PRNP: variants seen among roughly 807,000 people sequenced by gnomAD.
PRNP encodes major prion protein.
In PRNP, 15 loss-of-function variants were observed where a neutral mutation model predicts 21.3. The observed-to-expected ratio is 0.71, with a 90% CI of 0.47 to 1.09. The LOEUF is 1.09. Ranked by LOEUF, PRNP falls within the 50% of genes least tolerant of loss-of-function variation. The pLI is 0.00. For synonymous variants in PRNP, 121 were observed against 123.1 expected, an observed-to-expected ratio of 0.98 and a Z score of 0.11; for missense variants, 285 against 340.9, an observed-to-expected ratio of 0.84 and a Z score of 1.29.
At position 4,701,356 on chromosome 20, in the gene PRNP, A is replaced by G. The variant is rs1922599638; in HGVS notation, c.*1374A>G. On this transcript the variant is annotated 3_prime_UTR_variant, in exon 2 of 2. Transcript: ENST00000379440. The surrounding 1 kb of genome is among the most constrained non-coding windows in gnomAD (Gnocchi z 4.2). Reference sequence around the variant, plus strand: ...AGTGTCTAATGCATTAACTTTTGTAAGGTACTGAATACTTAATATGTGGGA... The same window carrying G: ...AGTGTCTAATGCATTAACTTTTGTAGGGTACTGAATACTTAATATGTGGGA... 1.2e-5 allele frequency: 2 copies of G among 167,064 alleles called. No individual in the cohort carries two copies. The highest frequency in any genetic ancestry group is 4.8e-5 in the African/African-American group (2 of 41,446). 10.3% of individuals were successfully genotyped at this position (167,064 alleles called of 1,614,324 possible).
Position 4,699,312 on chromosome 20 carries a change from G to A in PRNP, c.92G>A (p.Trp31Ter). ...LCKKRPKPGG[W>*]NTGGSRYPGQ... ...AAGAAGCGCCCGAAGCCTGGAGGAT[G>A]GAACACTGGGGGCAGCCGATACCCG... is the stretch of plus-strand genomic sequence containing the variant. Residue 31 changes from tryptophan (W) to a stop codon, truncating the protein, a stop_gained, in exon 2 of 2, where the codon TGG (tryptophan) becomes TAG (stop). Coordinates refer to ENST00000379440, the MANE Select transcript of PRNP (RefSeq NM_000311.5). LOFTEE classifies it high-confidence loss of function. The surrounding 1 kb of genome is among the most constrained non-coding windows in gnomAD (Gnocchi z 5.8). 1 of 1,614,114 alleles carries A rather than the reference G, an allele frequency of 6.2e-7. No homozygotes were observed. The highest frequency in any genetic ancestry group is 8.5e-7 in the Non-Finnish European group (1 of 1,180,040).
intron 1 of PRNP, among the ~76,000 whole-genome samples, chr20:4,693,225 C>T (rs1319248304): frequency 1.3e-5 from 2 of 152,230 alleles, no homozygotes; most frequent in Non-Finnish European, 2.9e-5. Flanking sequence ...CATTTATTCA[C>T]AGCCTGCTAG....
At chr20:4,687,307 C>CG (rs917811857) in intron 1 of PRNP, among the ~76,000 whole-genome samples, 2 of 152,094 alleles carry the variant, frequency 1.3e-5, no homozygotes, top group African/African-American at 4.8e-5. Flanking sequence ...TCTCCAGGGG[C>CG]GGGGAGAGAG....
chr20:4,696,788 A>T (rs1225012166), intron 1 of PRNP, among the ~76,000 whole-genome samples: 1 of 152,206 alleles, frequency 6.6e-6, no homozygotes, highest in Non-Finnish European at 1.5e-5. Context: ...GGTGACAGAG[A>T]GTATCTTAGA....
rs1374292454 is a variant in PRNP at position 4,699,155 on chromosome 20, A to T, written c.-10-56A>T. ...TGCACTCATTCATTATGCAGGAAACATTTAGTAATTTCAACATAAATATGG... is the reference window on the plus strand; with the variant it reads ...TGCACTCATTCATTATGCAGGAAACTTTTAGTAATTTCAACATAAATATGG... On this transcript the variant is annotated intron_variant, in intron 1 of 1. Transcript: ENST00000379440. The surrounding 1 kb of genome is among the most constrained non-coding windows in gnomAD (Gnocchi z 5.8). 1.9e-6 allele frequency: 3 copies of T among 1,597,618 alleles called. No individual in the cohort carries two copies. The highest frequency in any genetic ancestry group is 8.6e-7 in the Non-Finnish European group (1 of 1,166,070).
chr20:4,700,047 C>G lies in PRNP; in HGVS notation c.*65C>G. The G allele has an allele frequency of 6.4e-7, 1 of 1,553,840 alleles. No homozygotes were observed. Among genetic ancestry groups the G allele is most frequent in the Non-Finnish European group, 8.7e-7 (1 of 1,148,298 alleles). On this transcript the variant is annotated 3_prime_UTR_variant, in exon 2 of 2. Transcript: ENST00000379440. This position sits in a 1 kb window ranked among gnomAD's most constrained non-coding sequence, Gnocchi z 4.1. Reference sequence around the variant, plus strand: ...CCAGCTTGAGGGAGGCGGTATCCACCTGCAGCCCTTTTAGTGGTGGTGTCT... The same window carrying G: ...CCAGCTTGAGGGAGGCGGTATCCACGTGCAGCCCTTTTAGTGGTGGTGTCT...
chr20:4,687,760 C>T (rs960175856), intron 1 of PRNP, among the ~76,000 whole-genome samples: 1 of 152,170 alleles, frequency 6.6e-6, no homozygotes, highest in Non-Finnish European at 1.5e-5. Flanking sequence ...GTTCTGAGAG[C>T]ATCACGGTTT....
At chr20:4,688,628 C>T (rs561970679) in intron 1 of PRNP, among the ~76,000 whole-genome samples, 12 of 152,270 alleles carry the variant, frequency 7.9e-5, no homozygotes, top group African/African-American at 2.9e-4. Flanking sequence ...AAATGTATAA[C>T]ACCAGGGCAG....
At chr20:4,694,406 T>C (rs1922035933) in intron 1 of PRNP, among the ~76,000 whole-genome samples, 1 of 152,216 alleles carries the variant, frequency 6.6e-6, no homozygotes, top group African/African-American at 2.4e-5. Flanking sequence ...CTTAAATGAA[T>C]TAATTCTAAA....
At chr20:4,694,028 G>T (rs1281004357) in intron 1 of PRNP, among the ~76,000 whole-genome samples, 1 of 150,796 alleles carries the variant, frequency 6.6e-6, no homozygotes, top group Non-Finnish European at 1.5e-5. Context: ...GGTGGAGGTT[G>T]CAGAGAGCTG....
chr20:4,698,826 T>C (rs1922335350), intron 1 of PRNP, among the ~76,000 whole-genome samples: 1 of 152,226 alleles, frequency 6.6e-6, no homozygotes, highest in Admixed American at 6.5e-5. Context: ...ATGAGATCTT[T>C]AATTTGAAAA....
chr20:4,693,970 T>G lies in PRNP; in HGVS notation c.-10-5241T>G, dbSNP rs535794200. Among the ~76,000 whole-genome samples the G allele has an allele frequency of 6.7e-5, 10 of 149,572 alleles. No individual in the cohort carries two copies. The East Asian group carries it at 2.0e-3, about 30-fold the overall frequency. On this transcript the variant is annotated intron_variant, in intron 1 of 1. Transcript: ENST00000379440. ...AAAAAAAAAAAACCAGGCGTGGTGT[T>G]GCATACCTGTGGTCCCAGCTACTCA...
chr20:4,690,462 T>C (rs55873835), intron 1 of PRNP, among the ~76,000 whole-genome samples: 8,717 of 152,268 alleles, frequency 0.057, 264 homozygotes, highest in Admixed American at 0.087. Flanking sequence ...GGGTAATTTA[T>C]AGATTTTTTA....
Position 4,699,155 on chromosome 20 carries a change from A to G in PRNP, c.-10-56A>G, listed in dbSNP as rs1374292454. On this transcript the variant is annotated intron_variant, in intron 1 of 1. Coordinates refer to ENST00000379440, the MANE Select transcript of PRNP (RefSeq NM_000311.5). This position sits in a 1 kb window ranked among gnomAD's most constrained non-coding sequence, Gnocchi z 5.8. ...TGCACTCATTCATTATGCAGGAAACATTTAGTAATTTCAACATAAATATGG... is the reference window on the plus strand; with the variant it reads ...TGCACTCATTCATTATGCAGGAAACGTTTAGTAATTTCAACATAAATATGG... The G allele has an allele frequency of 1.3e-6, 2 of 1,597,736 alleles. No individual in the cohort carries two copies. Among genetic ancestry groups the G allele is most frequent in the Non-Finnish European group, 8.6e-7 (1 of 1,166,062 alleles).
rs1045935752 is a variant in PRNP, at chr20:4,697,635, T to G, written c.-10-1576T>G. ...AGTGGGAGGCCTGAACCAGGTTACA[T>G]GGGGCCCAGCCAGTATGGCCACGAC... On this transcript the variant is annotated intron_variant, in intron 1 of 1. Coordinates refer to ENST00000379440, the MANE Select transcript of PRNP (RefSeq NM_000311.5). The surrounding 1 kb of genome is among the most constrained non-coding windows in gnomAD (Gnocchi z 4.6). 2.0e-5 allele frequency among the ~76,000 whole-genome samples: 3 copies of G among 152,098 alleles called. No homozygotes were observed. Among genetic ancestry groups the G allele is most frequent in the African/African-American group, 7.2e-5 (3 of 41,400 alleles).
chr20:4,699,226 G>A lies in PRNP; in HGVS notation c.6G>A (p.Ala2=), dbSNP rs1405257982. Residue 2 remains alanine, a synonymous_variant, in exon 2 of 2, where the codon GCG becomes GCA. Transcript: ENST00000379440. The surrounding 1 kb of genome is among the most constrained non-coding windows in gnomAD (Gnocchi z 5.8). M[A]NLGCWMLVLF... is the part of the protein sequence containing the mutation. ...CATTTTGCAGAGCAGTCATTATGGC[G>A]AACCTTGGCTGCTGGATGCTGGTTC... is the stretch of plus-strand genomic sequence containing the variant. 27 of 1,613,918 alleles carry A rather than the reference G, an allele frequency of 1.7e-5. No homozygotes were observed. Among genetic ancestry groups the A allele is most frequent in the Non-Finnish European group, 2.0e-5 (24 of 1,180,044 alleles).
At position 4,701,158 on chromosome 20, in the gene PRNP, A is replaced by G. The variant is rs1922585146; in HGVS notation, c.*1176A>G. ...AATTCTGTTAATGTTAATTAAAGTAAAATTATTCCCTGAATTGTTTGATAT... is the reference window on the plus strand; with the variant it reads ...AATTCTGTTAATGTTAATTAAAGTAGAATTATTCCCTGAATTGTTTGATAT... On this transcript the variant is annotated 3_prime_UTR_variant, in exon 2 of 2. Coordinates refer to ENST00000379440, the MANE Select transcript of PRNP (RefSeq NM_000311.5). This position sits in a 1 kb window ranked among gnomAD's most constrained non-coding sequence, Gnocchi z 4.2. The G allele has an allele frequency of 6.0e-6, 1 of 166,634 alleles. No individual in the cohort carries two copies. Among genetic ancestry groups the G allele is most frequent in the South Asian group, 2.1e-4 (1 of 4,836 alleles). 10.3% of individuals were successfully genotyped at this position (166,634 alleles called of 1,614,324 possible).
In PRNP at chr20:4,699,281, C is replaced by A. The variant is rs776137568; in HGVS notation, c.61C>A (p.Leu21Ile). The A allele has an allele frequency of 5.0e-6, 8 of 1,614,102 alleles. No homozygotes were observed. Among genetic ancestry groups the A allele is most frequent in the Non-Finnish European group, 6.8e-6 (8 of 1,180,042 alleles). ...TGTGGCCACATGGAGTGACCTGGGC[C>A]TCTGCAAGAAGCGCCCGAAGCCTGG... ...LFVATWSDLG[L>I]CKKRPKPGGW... The change falls in exon 2 of 2, where the codon CTC becomes ATC. Residue 21 changes from leucine (L) to isoleucine (I), a missense_variant. Transcript: ENST00000379440. The surrounding 1 kb of genome is among the most constrained non-coding windows in gnomAD (Gnocchi z 5.8).
intron 1 of PRNP, among the ~76,000 whole-genome samples, chr20:4,693,056 G>A (rs1226193935): frequency 6.6e-6 from 1 of 152,098 alleles, no homozygotes; most frequent in Non-Finnish European, 1.5e-5. Context: ...GAAACTCTTG[G>A]TTTTCTCTCC....
Sources: gnomAD v4.1 joint callset for allele counts (sites outside exome capture counted in the v4.1 genomes callset) on GRCh38, gnomAD v4.1.1 for gene constraint, Gnocchi (gnomAD v3.1) non-coding constraint, MANE v1.5 for transcripts, NCBI Gene and HGNC (gene_info 2026-07-23, HGNC 2026-07-21) for gene names.